The following UBXN11 variants were observed in gnomAD, a reference collection of about 807,000 sequenced individuals.
UBXN11 encodes the protein UBX domain protein 11, also known as UBX domain-containing protein 11.
UBXN11 carries 47 observed loss-of-function variants against 62.8 expected under a neutral mutation model. The observed-to-expected ratio is 0.75, with a 90% CI of 0.59 to 0.95. The LOEUF (loss-of-function observed/expected upper bound fraction) is 0.95, where lower values mean the gene tolerates loss of function less well. UBXN11 is among the 40% of genes least tolerant of loss of function. The probability of loss-of-function intolerance (pLI) is 0.00; values close to 1 mark genes in which losing one functional copy is unlikely to be tolerated. For synonymous variants in UBXN11, 294 were observed against 267.0 expected, an observed-to-expected ratio of 1.10 and a Z score of -0.99; for missense variants, 638 against 661.7, an observed-to-expected ratio of 0.96 and a Z score of 0.39.
At chr1:26,315,479 C>T (rs372515018) in intron 1 of UBXN11, among the ~76,000 whole-genome samples, 2 of 152,162 alleles carry the variant, frequency 1.3e-5, no homozygotes, top group South Asian at 4.1e-4. Flanking sequence ...CCCCCACAGG[C>T]ACACCAAAGA....
upstream of UBXN11, among the ~76,000 whole-genome samples, chr1:26,309,443 C>G (rs879637424): frequency 1.4e-5 from 2 of 147,916 alleles, no homozygotes; most frequent in Non-Finnish European, 3.0e-5. Context: ...TTTCACCATG[C>G]TGGCCAGGAT....
chr1:26,296,676 C>T (rs2073401699), intron 7 of UBXN11, among the ~76,000 whole-genome samples: 1 of 152,170 alleles, frequency 6.6e-6, no homozygotes. Flanking sequence ...ATGAGGTCTG[C>T]TAAGCAGGGG....
intron 1 of UBXN11, among the ~76,000 whole-genome samples, chr1:26,305,444 A>G (rs988433622): frequency 4.6e-5 from 7 of 152,152 alleles, no homozygotes; most frequent in Admixed American, 1.3e-4. Flanking sequence ...CATTTTCGTC[A>G]GCCTAAACAA....
intron 10 of UBXN11, 104 bp from the exon 11 acceptor site, chr1:26,284,586 T>C (rs1246461616): frequency 1.4e-6 from 2 of 1,441,176 alleles, no homozygotes; most frequent in Non-Finnish European, 1.8e-6. Context: ...TATGGTCTAA[T>C]GCAACCCCCA....
At chr1:26,296,634 C>T (rs887283034) in intron 7 of UBXN11, among the ~76,000 whole-genome samples, 2 of 152,138 alleles carry the variant, frequency 1.3e-5, no homozygotes, top group Non-Finnish European at 2.9e-5. Flanking sequence ...GGGGCCACAG[C>T]GAGGACTGTA....
upstream of UBXN11, chr1:26,307,040 T>C (rs1267084151): frequency 6.6e-6 from 1 of 152,202 alleles, no homozygotes; most frequent in Non-Finnish European, 1.5e-5. Context: ...CTGTAATACT[T>C]CACGGAGGCT....
chr1:26,302,817 G>T lies in UBXN11; in HGVS notation c.67C>A (p.Pro23Thr). The change falls in exon 2 of 15, where the codon CCT becomes ACT. Residue 23 changes from proline (P) to threonine (T), a missense_variant. Transcript: ENST00000374222. ...KVPLPSEPMN[P>T]GRRGIRIYGD... ...CCCCTGAGGCTGGCTCCTTACCCAG[G>T]ATTCATAGGCTCCGAGGGCAGGGGC... is the stretch of plus-strand genomic sequence containing the variant. 2 of 1,613,800 alleles carry T rather than the reference G, an allele frequency of 1.2e-6. No homozygotes were observed. The highest frequency in any genetic ancestry group is 1.7e-6 in the Non-Finnish European group (2 of 1,179,796).
In UBXN11 at chr1:26,302,888, C is replaced by A; in HGVS notation, c.-5G>T. On this transcript the variant is annotated 5_prime_UTR_variant, in exon 2 of 15. Transcript: ENST00000374222. ...GGAGGCCAAAGGTGAGCTCATAGTT[C>A]TACTTCTAGAATCCAGCTGTCAGGA... 1 of 1,613,572 alleles carries A rather than the reference C, an allele frequency of 6.2e-7. No homozygotes were observed. Among genetic ancestry groups the A allele is most frequent in the Non-Finnish European group, 8.5e-7 (1 of 1,179,700 alleles).
rs368810190 is a variant in UBXN11 at position 26,294,780 on chromosome 1, A to G, written c.433-449T>C. ...CACAGGAAACTTCTGGACTGTCTAC[A>G]TGTCCACACCCCGACTTCTTTTCTC... On this transcript the variant is annotated intron_variant, in intron 7 of 14. Transcript: ENST00000374222. Among the ~76,000 whole-genome samples the G allele has an allele frequency of 2.0e-5, 3 of 152,226 alleles. No homozygotes were observed. The South Asian group carries it at 6.2e-4, about 32-fold the overall frequency.
intron 8 of UBXN11, among the ~76,000 whole-genome samples, 199 bp downstream of exon 8, chr1:26,294,006 T>C (rs1426386921): frequency 6.6e-6 from 1 of 152,032 alleles, no homozygotes; most frequent in Non-Finnish European, 1.5e-5. Flanking sequence ...CGTGGAGAAG[T>C]GGGCCAGCAG....
intron 4 of UBXN11, among the ~76,000 whole-genome samples, chr1:26,298,906 A>G (rs938736758): frequency 6.6e-6 from 1 of 151,834 alleles, no homozygotes; most frequent in African/African-American, 2.4e-5. Flanking sequence ...AACCGCGGCC[A>G]TCATCCTACA....
At chr1:26,306,149 G>A (rs1463683539) in intron 1 of UBXN11, 1 of 152,266 alleles carries the variant, frequency 6.6e-6, no homozygotes, top group Non-Finnish European at 1.5e-5. Flanking sequence ...GGCTTCCAAG[G>A]GCAGGACTGT....
rs2073437607 is a variant in UBXN11, at chr1:26,298,028, G to A, written c.234C>T (p.Phe78=). ...PASHDSELMA[F]MTRKLWDLEQ... ...CCAGGTCCCACAACTTCCTCGTCATGAAGGCCATCAGCTCCGAGTCATGGG... is the reference window on the plus strand; with the variant it reads ...CCAGGTCCCACAACTTCCTCGTCATAAAGGCCATCAGCTCCGAGTCATGGG... Residue 78 remains phenylalanine (F), a synonymous_variant, in exon 5 of 15, where the codon TTC becomes TTT. Transcript: ENST00000374222. 5 of 1,613,814 alleles carry A rather than the reference G, an allele frequency of 3.1e-6. No homozygotes were observed. Among genetic ancestry groups the A allele is most frequent in the Non-Finnish European group, 4.2e-6 (5 of 1,179,984 alleles).
intron 8 of UBXN11, among the ~76,000 whole-genome samples, chr1:26,288,602 A>G (rs1210791062): frequency 6.6e-6 from 1 of 152,176 alleles, no homozygotes; most frequent in Non-Finnish European, 1.5e-5. Context: ...GGAGTCACAC[A>G]GCAGGAGTAA....
At chr1:26,286,575 G>C (rs986025454) in intron 8 of UBXN11, among the ~76,000 whole-genome samples, 1 of 140,344 alleles carries the variant, frequency 7.1e-6, no homozygotes, top group South Asian at 2.2e-4. Context: ...TGGCTGTAAG[G>C]CTCCAAGAAG....
At chr1:26,308,028 A>G (rs1479530563), upstream of UBXN11, among the ~76,000 whole-genome samples, 1 of 152,142 alleles carries the variant, frequency 6.6e-6, no homozygotes, top group Non-Finnish European at 1.5e-5. Flanking sequence ...GCATTTTGGG[A>G]GGCTGAGGCA....
chr1:26,294,436 C>T (rs748911472), intron 7 of UBXN11, 105 bp from the exon 8 acceptor site: 114 of 1,497,038 alleles, frequency 7.6e-5, no homozygotes, highest in Non-Finnish European at 7.3e-5. Flanking sequence ...GCAATGGGGC[C>T]CCCAGAGCTG....
chr1:26,303,293 A>G (rs1440485155), intron 1 of UBXN11: 1 of 157,990 alleles, frequency 6.3e-6, no homozygotes, highest in Non-Finnish European at 1.4e-5. Context: ...ACAAAGCCCA[A>G]GTATCTCCTT....
intron 8 of UBXN11, among the ~76,000 whole-genome samples, chr1:26,291,004 AG>A (rs1477922329): frequency 4.6e-5 from 7 of 152,054 alleles, no homozygotes; most frequent in Non-Finnish European, 8.8e-5. Flanking sequence ...TGGCAGAGAG[AG>A]GGGGAGAGTG....
Sources: allele counts gnomAD v4.1 joint callset (sites outside exome capture counted in the v4.1 genomes callset), GRCh38; gene constraint gnomAD v4.1.1; transcripts MANE v1.5; gene names NCBI Gene and HGNC (gene_info 2026-07-23, HGNC 2026-07-21).